Variants in TNRC18 observed in about 807,000 individuals in gnomAD.
TNRC18 encodes trinucleotide repeat-containing gene 18 protein.
A neutral mutation model predicts 226.7 loss-of-function variants in TNRC18; 69 were observed. That is an observed-to-expected ratio of 0.30 (90% CI 0.25 to 0.37). The LOEUF (loss-of-function observed/expected upper bound fraction) is 0.37. Among genes scored for constraint, TNRC18 ranks in the 10% least tolerant of loss-of-function variants. The pLI, the probability that TNRC18 is intolerant of heterozygous loss-of-function variation, is 1.00. For synonymous variants in TNRC18, 2,449 were observed against 1,927.6 expected, an observed-to-expected ratio of 1.27 and a Z score of -7.09; for missense variants, 4,754 against 4,256.6, an observed-to-expected ratio of 1.12 and a Z score of -3.25.
Position 5,371,233 on chromosome 7 carries a change from G to A in TNRC18, c.3361C>T (p.Pro1121Ser). 1 of 1,605,102 alleles carries A rather than the reference G, an allele frequency of 6.2e-7. No homozygotes were observed. Among genetic ancestry groups the A allele is most frequent in the African/African-American group, 1.3e-5 (1 of 74,886 alleles). ...APDVPLPADG[P>S]ERLALSPEDK... ...TCGGGTGAGAGTGCCAGGCGCTCGG[G>A]CCCATCAGCCGGGAGCGGCACATCA... Residue 1121 changes from proline (P) to serine (S), a missense_variant, in exon 11 of 30, where the codon CCC becomes TCC. By Grantham distance (74) the Pro-to-Ser change is moderately conservative. Coordinates refer to ENST00000430969, the MANE Select transcript of TNRC18 (RefSeq NM_001080495.3).
intron 2 of TNRC18, among the ~76,000 whole-genome samples, chr7:5,398,659 C>T (rs1212455725): frequency 1.3e-5 from 2 of 150,422 alleles, no homozygotes; most frequent in African/African-American, 4.9e-5. Context: ...CTCTGTTCAC[C>T]CAGGCTGTAG....
rs752886595 is a variant in TNRC18 at position 5,377,548 on chromosome 7, G to C, written c.2284C>G (p.Arg762Gly). 6.3e-7 allele frequency: 1 copy of C among 1,587,958 alleles called. No homozygotes were observed. The highest frequency in any genetic ancestry group is 1.3e-5 in the African/African-American group (1 of 74,416). Residue 762 changes from arginine (R) to glycine (G), a missense_variant, in exon 7 of 30, where the codon CGC becomes GGC. By Grantham distance (125) the Arg-to-Gly change is moderately radical. Transcript: ENST00000430969. This position sits in a 1 kb window ranked among gnomAD's most constrained non-coding sequence, Gnocchi z 5.8. The part of the protein sequence containing the change: ...RESKELADLA[R>G]LHPTSCAPNG... ...GGAGCACAGCTGGTAGGGTGCAGGC[G>C]GGCCAGGTCAGCCAGCTCCTTACTC...
chr7:5,308,448 CTGAG>C (rs1786813152), intron 29 of TNRC18, 136 bp from the exon 30 acceptor site: 9 of 788,622 alleles, frequency 1.1e-5, no homozygotes, highest in Non-Finnish European at 1.4e-5. Flanking sequence ...GAGACAGAGG[CTGAG>C]TAAGAGACAG....
At chr7:5,411,982 C>T (rs1437436381) in intron 2 of TNRC18, among the ~76,000 whole-genome samples, 3 of 151,758 alleles carry the variant, frequency 2.0e-5, no homozygotes, top group Non-Finnish European at 2.9e-5. Context: ...CTCAGGAGTT[C>T]AAGACCAGCC....
Position 5,315,992 on chromosome 7 carries a change from G to A in TNRC18, c.6826C>T (p.His2276Tyr). 6.2e-7 allele frequency: 1 copy of A among 1,601,806 alleles called. No homozygotes were observed. Among genetic ancestry groups the A allele is most frequent in the Non-Finnish European group, 8.5e-7 (1 of 1,174,534 alleles). ...TAGTCAGGGGGCAGGAGGCGGATAT[G>A]TGAGAGGGGGATCCTGCCCGTGTCT... ...DGDTGRIPLS[H>Y]IRLLPPDYKI... Residue 2276 changes from histidine (H) to tyrosine (Y), a missense_variant, in exon 25 of 30, where the codon CAT (histidine) becomes TAT (tyrosine). His to Tyr is a moderately conservative substitution (Grantham distance 83). Coordinates refer to ENST00000430969, the MANE Select transcript of TNRC18 (RefSeq NM_001080495.3).
intron 24 of TNRC18, among the ~76,000 whole-genome samples, chr7:5,318,713 T>C (rs1351830054): frequency 2.0e-5 from 3 of 152,144 alleles, no homozygotes; most frequent in East Asian, 3.8e-4. Context: ...ATCACAATGT[T>C]GAATGTCTTC....
Position 5,376,931 on chromosome 7 carries a change from A to G in TNRC18, c.2524T>C (p.Ser842Pro). ...ACAAACTGGTAGGCTGACGGGAGGG[A>G]GCCCCCCAGGCCAGGTGGGAACGCA... The part of the protein sequence containing the change: ...APAFPPGLGG[S>P]LPSAYQFVRD... The change falls in exon 8 of 30, where the codon TCC (serine) becomes CCC (proline). Residue 842 changes from serine (S) to proline (P), a missense_variant. Ser to Pro is a moderately conservative substitution (Grantham distance 74). Transcript: ENST00000430969. 3 of 1,599,908 alleles carry G rather than the reference A, an allele frequency of 1.9e-6. No homozygotes were observed. The highest frequency in any genetic ancestry group is 2.6e-6 in the Non-Finnish European group (3 of 1,173,560).
At chr7:5,382,537 C>T (rs935504721) in intron 5 of TNRC18, among the ~76,000 whole-genome samples, 5 of 151,678 alleles carry the variant, frequency 3.3e-5, no homozygotes, top group East Asian at 1.9e-4. Context: ...TCCAGGGGTC[C>T]GGGGAAGCGG....
chr7:5,353,896 G>A (rs1174858565), intron 16 of TNRC18, among the ~76,000 whole-genome samples: 1 of 152,166 alleles, frequency 6.6e-6, no homozygotes, highest in East Asian at 1.9e-4. Flanking sequence ...ACGATGGAGT[G>A]AAGTTGCCCA....
At chr7:5,404,691 G>A (rs377116834) in intron 2 of TNRC18, among the ~76,000 whole-genome samples, 2 of 151,898 alleles carry the variant, frequency 1.3e-5, no homozygotes, top group South Asian at 2.1e-4. Flanking sequence ...TGGGATGCTC[G>A]CTGCAGCCAA....
intron 5 of TNRC18, among the ~76,000 whole-genome samples, chr7:5,380,230 G>C (rs1317269574): frequency 1.3e-5 from 2 of 152,188 alleles, no homozygotes; most frequent in African/African-American, 2.4e-5. Flanking sequence ...AGGATCACTG[G>C]AGCCCAGGAG....
intron 18 of TNRC18, 131 bp from the exon 19 acceptor site, chr7:5,333,180 A>C: frequency 9.3e-7 from 1 of 1,073,688 alleles, no homozygotes; most frequent in Non-Finnish European, 1.4e-6. Flanking sequence ...CGTTTCCAGG[A>C]GAGGAAACTG....
At chr7:5,323,747 C>T (rs1251597764) in intron 21 of TNRC18, among the ~76,000 whole-genome samples, 1 of 151,812 alleles carries the variant, frequency 6.6e-6, no homozygotes, top group Non-Finnish European at 1.5e-5. Flanking sequence ...TTTGTATTTT[C>T]AGTAGAATCA....
chr7:5,384,083 GC>G (rs1779586935), intron 5 of TNRC18, among the ~76,000 whole-genome samples: 1 of 148,554 alleles, frequency 6.7e-6, no homozygotes, highest in African/African-American at 2.5e-5. Context: ...TCCTGCCTCA[GC>G]CTCTCAAGTA....
intron 17 of TNRC18, among the ~76,000 whole-genome samples, chr7:5,348,546 G>A (rs1308844448): frequency 6.6e-6 from 1 of 151,128 alleles, no homozygotes; most frequent in East Asian, 2.0e-4. Context: ...GAGGGCAGAG[G>A]TTCTGTCTAC....
At chr7:5,311,028 G>C (rs112109225) in intron 27 of TNRC18, among the ~76,000 whole-genome samples, 8,795 of 152,344 alleles carry the variant, frequency 0.058, 872 homozygotes, top group African/African-American at 0.2. Flanking sequence ...GTTTGTGTAC[G>C]TGTGCAAGTG....
intron 5 of TNRC18, among the ~76,000 whole-genome samples, chr7:5,378,575 C>T (rs543675790): frequency 5.3e-5 from 8 of 151,956 alleles, no homozygotes; most frequent in African/African-American, 1.9e-4. Flanking sequence ...CCCACCACCA[C>T]GCCCCGCTAG....
intron 2 of TNRC18, chr7:5,419,824 G>T (rs756481103): frequency 6.6e-6 from 1 of 152,342 alleles, no homozygotes; most frequent in South Asian, 2.1e-4. Context: ...AAAAGTTCCA[G>T]GAGAAAAATC....
Position 5,332,774 on chromosome 7 carries a change from T to A in TNRC18, c.5995A>T (p.Ser1999Cys). 2 of 1,516,752 alleles carry A rather than the reference T, an allele frequency of 1.3e-6. No individual in the cohort carries two copies. The highest frequency in any genetic ancestry group is 1.8e-6 in the Non-Finnish European group (2 of 1,139,080). 94.0% of individuals were successfully genotyped at this position (1,516,752 alleles called of 1,614,324 possible). A position where few individuals can be genotyped will look rare whatever the true frequency, so the allele number is the denominator to read the frequency against. ...GCGTCGTGCAGGAAGATGCGCTCGC[T>A]GCGGCGCCGCGTCCACAGGTCGTCG... ...SDDDLWTRRRSERIFLHDASA... is the reference protein window; with the variant it reads ...SDDDLWTRRRCERIFLHDASA... The change falls in exon 19 of 30, where the codon AGC becomes TGC. Residue 1999 changes from serine (S) to cysteine (C), a missense_variant. By Grantham distance (112) the Ser-to-Cys change is moderately radical. Transcript: ENST00000430969.
Sources: allele counts gnomAD v4.1 joint callset (sites outside exome capture counted in the v4.1 genomes callset), GRCh38; gene constraint gnomAD v4.1.1; non-coding constraint Gnocchi (gnomAD v3.1); transcripts MANE v1.5; gene names NCBI Gene and HGNC (gene_info 2026-07-23, HGNC 2026-07-21).